The following RORA variants were observed in gnomAD, a reference collection of about 807,000 sequenced individuals.
RORA encodes the protein nuclear receptor ROR-alpha.
RORA carries 7 observed loss-of-function variants against 69.5 expected under a neutral mutation model. That is an observed-to-expected ratio of 0.10 (90% CI 0.06 to 0.19). The LOEUF is 0.19. Ranked by LOEUF, RORA falls within the 10% of genes least tolerant of loss-of-function variation. The pLI is 1.00. For missense variants in RORA, 457 were observed against 663.0 expected, an observed-to-expected ratio of 0.69 and a Z score of 3.41; for synonymous variants, 261 against 240.8, an observed-to-expected ratio of 1.08 and a Z score of -0.78.
At chr15:61,138,466 A>C (rs905149905) in intron 1 of RORA, among the ~76,000 whole-genome samples, 21 of 152,178 alleles carry the variant, frequency 1.4e-4, no homozygotes, top group African/African-American at 4.6e-4. Flanking sequence ...CAGGGTTACG[A>C]AGACCACTCT....
In RORA at chr15:60,585,751, T is replaced by A. The variant is rs570007038; in HGVS notation, c.197-53900A>T. ...AAATAAATCAGCTTTAAGTTAAAAA[T>A]TTTTTTTCCTTTACTTCCTGCCAAG... On this transcript the variant is annotated intron_variant, in intron 2 of 10. Coordinates refer to ENST00000335670, the MANE Select transcript of RORA (RefSeq NM_134261.3). Among the ~76,000 whole-genome samples the A allele has an allele frequency of 6.8e-4, 103 of 152,154 alleles. 1 individual carries two copies. Among genetic ancestry groups the A allele is most frequent in the South Asian group, 3.5e-3 (17 of 4,822 alleles).
chr15:60,704,842 C>A (rs1455551758), intron 1 of RORA, among the ~76,000 whole-genome samples: 1 of 152,156 alleles, frequency 6.6e-6, no homozygotes, highest in Non-Finnish European at 1.5e-5. Flanking sequence ...CACGTTTGCA[C>A]CCCTGACTCA....
intron 1 of RORA, among the ~76,000 whole-genome samples, chr15:61,109,621 T>C (rs2078984882): frequency 6.6e-6 from 1 of 152,254 alleles, no homozygotes. Context: ...TACTTAGCAC[T>C]GTATTAGAAA....
chr15:60,837,053 G>C (rs78404871), intron 1 of RORA, among the ~76,000 whole-genome samples: 1 of 65,202 alleles, frequency 1.5e-5, no homozygotes, highest in African/African-American at 5.0e-5. Context: ...TTTTTTTTTT[G>C]TAGATATGGG....
intron 1 of RORA, among the ~76,000 whole-genome samples, chr15:60,991,899 G>A (rs189291721): frequency 7.1e-4 from 81 of 113,314 alleles, no homozygotes; most frequent in African/African-American, 2.7e-3. Context: ...GAGCGAGACC[G>A]TGCCTCAAAA....
At chr15:61,072,415 T>C (rs1251950253) in intron 1 of RORA, among the ~76,000 whole-genome samples, 1 of 152,190 alleles carries the variant, frequency 6.6e-6, no homozygotes, top group Non-Finnish European at 1.5e-5. Context: ...ACTATTCACA[T>C]TTCCATATTC....
chr15:60,597,223 G>A (rs2068686040), intron 2 of RORA, among the ~76,000 whole-genome samples: 1 of 152,034 alleles, frequency 6.6e-6, no homozygotes, highest in South Asian at 2.1e-4. Flanking sequence ...AGACAATGGT[G>A]CAGGGCTTCT....
intron 1 of RORA, among the ~76,000 whole-genome samples, chr15:60,760,481 T>C (rs1450346634): frequency 6.6e-6 from 1 of 152,316 alleles, no homozygotes; most frequent in East Asian, 1.9e-4. Flanking sequence ...TTTGGGAGGA[T>C]GGATTAAAGC....
At chr15:61,097,138 G>A (rs1190294417) in intron 1 of RORA, among the ~76,000 whole-genome samples, 1 of 152,158 alleles carries the variant, frequency 6.6e-6, no homozygotes, top group African/African-American at 2.4e-5. Flanking sequence ...TTCCGATGGG[G>A]CAGACTGTGG....
intron 1 of RORA, among the ~76,000 whole-genome samples, chr15:60,704,697 C>G (rs146146443): frequency 2.0e-5 from 3 of 152,172 alleles, no homozygotes; most frequent in Non-Finnish European, 4.4e-5. Flanking sequence ...ACTTCAAATG[C>G]GTAATCTAGG....
chr15:60,887,324 T>C (rs1392915440), intron 1 of RORA, among the ~76,000 whole-genome samples: 1 of 152,206 alleles, frequency 6.6e-6, no homozygotes, highest in Non-Finnish European at 1.5e-5. Context: ...TTGTTCCTAC[T>C]CGCACTGTCA....
chr15:60,808,192 T>C (rs748343596), intron 1 of RORA, among the ~76,000 whole-genome samples: 10 of 152,048 alleles, frequency 6.6e-5, no homozygotes, highest in African/African-American at 1.9e-4. Context: ...AAAGGACTAA[T>C]ATCCAGAATC....
intron 1 of RORA, among the ~76,000 whole-genome samples, chr15:60,843,775 C>T (rs1009912642): frequency 2.0e-5 from 3 of 152,196 alleles, no homozygotes; most frequent in African/African-American, 7.2e-5. Flanking sequence ...CAAAGTTCTC[C>T]ATTTTGGCAA....
intron 2 of RORA, 168 bp downstream of exon 2, chr15:60,678,489 G>T: frequency 1.6e-6 from 1 of 626,802 alleles, no homozygotes. Flanking sequence ...AGTACAAACA[G>T]GTGGAGATGT....
intron 1 of RORA, among the ~76,000 whole-genome samples, chr15:60,760,805 G>A (rs986675284): frequency 2.6e-4 from 40 of 152,186 alleles, no homozygotes; most frequent in African/African-American, 8.4e-4. Context: ...TGTTAATCAA[G>A]TCTTCTGGGT....
intron 1 of RORA, among the ~76,000 whole-genome samples, chr15:61,209,809 A>C (rs2079974667): frequency 6.6e-6 from 1 of 152,266 alleles, no homozygotes; most frequent in African/African-American, 2.4e-5. Context: ...ATTCATGTGC[A>C]TTAAAGTATG....
At chr15:60,819,983 C>G (rs1388301018) in intron 1 of RORA, among the ~76,000 whole-genome samples, 2 of 152,258 alleles carry the variant, frequency 1.3e-5, no homozygotes, top group Non-Finnish European at 2.9e-5. Context: ...CCAGGGCAGT[C>G]TGGAAGGAGC....
intron 1 of RORA, among the ~76,000 whole-genome samples, chr15:60,942,928 A>G (rs1346032395): frequency 6.6e-6 from 1 of 152,246 alleles, no homozygotes; most frequent in African/African-American, 2.4e-5. Flanking sequence ...GCCCTGTTAG[A>G]GTTGAAATTG....
In RORA at chr15:60,511,695, T is replaced by C. The variant is rs1186755199; in HGVS notation, c.425-74A>G. On this transcript the variant is annotated intron_variant, in intron 4 of 10. Transcript: ENST00000335670. The surrounding 1 kb of genome is among the most constrained non-coding windows in gnomAD (Gnocchi z 6.4). ...ATATTCTCTCCTGCGAGCTTTGGGG[T>C]TTCCTTTGAAGTCTCACACAATCTC... The C allele has an allele frequency of 6.8e-7, 1 of 1,462,900 alleles. No individual in the cohort carries two copies. The highest frequency in any genetic ancestry group is 9.1e-7 in the Non-Finnish European group (1 of 1,099,776). 90.6% of individuals were successfully genotyped at this position (1,462,900 alleles called of 1,614,324 possible).
Sources: allele counts gnomAD v4.1 joint callset (sites outside exome capture counted in the v4.1 genomes callset), GRCh38; gene constraint gnomAD v4.1.1; non-coding constraint Gnocchi (gnomAD v3.1); transcripts MANE v1.5; gene names NCBI Gene and HGNC (gene_info 2026-07-23, HGNC 2026-07-21).